TNKS: variants seen among roughly 807,000 people sequenced by gnomAD.
The protein encoded by TNKS is tankyrase.
TNKS carries 72 observed loss-of-function variants against 135.8 expected under a neutral mutation model. The observed-to-expected ratio is 0.53, with a 90% CI of 0.44 to 0.64. TNKS has a LOEUF of 0.64. Ranked by LOEUF, TNKS falls within the 30% of genes least tolerant of loss-of-function variation. The pLI, the probability that TNKS is intolerant of heterozygous loss-of-function variation, is 0.00. For missense variants in TNKS, 1,769 were observed against 1,674.0 expected, an observed-to-expected ratio of 1.06 and a Z score of -0.99; for synonymous variants, 849 against 649.3, an observed-to-expected ratio of 1.31 and a Z score of -4.68.
chr8:9,691,020 T>C (rs531094143), intron 5 of TNKS, among the ~76,000 whole-genome samples: 13 of 152,318 alleles, frequency 8.5e-5, no homozygotes, highest in African/African-American at 3.1e-4. Context: ...AGCTCGCTTG[T>C]TTAGATCAGA....
intron 25 of TNKS, 128 bp downstream of exon 25, chr8:9,766,553 C>G: frequency 1.2e-6 from 1 of 817,082 alleles, no homozygotes; most frequent in Non-Finnish European, 1.7e-6. Flanking sequence ...GTGGCACGAT[C>G]CTGGCTCACG....
At chr8:9,675,897 A>G (rs903162155) in intron 3 of TNKS, among the ~76,000 whole-genome samples, 2 of 152,132 alleles carry the variant, frequency 1.3e-5, no homozygotes, top group Non-Finnish European at 2.9e-5. Context: ...GGTTGAGGTG[A>G]CACGGAGAAA....
chr8:9,595,189 C>T (rs866340152), intron 2 of TNKS, among the ~76,000 whole-genome samples: 2 of 149,866 alleles, frequency 1.3e-5, no homozygotes, highest in Admixed American at 1.3e-4. Context: ...TGTGTGATCT[C>T]GGCTCACTGC....
At chr8:9,572,668 T>C (rs182280076) in intron 1 of TNKS, among the ~76,000 whole-genome samples, 430 of 152,308 alleles carry the variant, frequency 2.8e-3, no homozygotes, top group Non-Finnish European at 4.7e-3. Context: ...TAGAAAGTCA[T>C]GTTGAGATGG....
intron 9 of TNKS, 42 bp from the exon 10 acceptor site, chr8:9,709,913 A>G: frequency 6.8e-7 from 1 of 1,470,280 alleles, no homozygotes; most frequent in Non-Finnish European, 9.5e-7. Flanking sequence ...TACTGTACAT[A>G]TGGAAGTGTA....
intron 5 of TNKS, among the ~76,000 whole-genome samples, chr8:9,681,453 T>A (rs1585321259): frequency 6.6e-6 from 1 of 152,264 alleles, no homozygotes; most frequent in Middle Eastern, 3.4e-3. Context: ...GACTGAAATG[T>A]AATCCTTTAT....
In TNKS at chr8:9,556,904, G is replaced by C. The variant is rs1326412442; in HGVS notation, c.673+292G>C. 7.5e-6 allele frequency: 4 copies of C among 536,066 alleles called. No individual in the cohort carries two copies. In the Admixed American group the frequency reaches 1.4e-4, roughly 18 times the overall value. The allele number at this position is 536,066 out of a possible 1,614,324, so 33.2% of individuals were successfully genotyped here. ...GGATATATTTACACTTTAGTTTTTGGTGTGCAGGAATACAGTTAGATTTGG... is the reference window on the plus strand; with the variant it reads ...GGATATATTTACACTTTAGTTTTTGCTGTGCAGGAATACAGTTAGATTTGG... On this transcript the variant is annotated intron_variant, in intron 1 of 26. Transcript: ENST00000310430.
chr8:9,660,312 G>T (rs548118092), intron 3 of TNKS, among the ~76,000 whole-genome samples: 24 of 152,262 alleles, frequency 1.6e-4, no homozygotes. Context: ...CAATATCCTT[G>T]ATGAACATCG....
chr8:9,726,106 C>G (rs1435662654), intron 12 of TNKS, among the ~76,000 whole-genome samples: 1 of 152,128 alleles, frequency 6.6e-6, no homozygotes, highest in African/African-American at 2.4e-5. Flanking sequence ...AAAGAAAAAT[C>G]AAGGCTGGGC....
At position 9,782,149 on chromosome 8, in the gene TNKS, C is replaced by T. The variant is rs920898256; in HGVS notation, c.*5413C>T. 2.0e-5 allele frequency: 3 copies of T among 152,552 alleles called. No homozygotes were observed. Among genetic ancestry groups the T allele is most frequent in the Admixed American group, 1.3e-4 (2 of 15,262 alleles). The allele number at this position is 152,552 out of a possible 1,614,324, so 9.4% of individuals were successfully genotyped here. On this transcript the variant is annotated 3_prime_UTR_variant, in exon 27 of 27. Transcript: ENST00000310430. ...AAGTCCTCTAGTCATCATCTCGTCA[C>T]CTGAAATGGAAGTCCTTTTTCCCTC...
intron 17 of TNKS, among the ~76,000 whole-genome samples, chr8:9,736,001 T>C (rs1476252882): frequency 6.6e-6 from 1 of 151,646 alleles, no homozygotes; most frequent in Non-Finnish European, 1.5e-5. Context: ...ATGCTTTTTA[T>C]TGCTTTTTGG....
chr8:9,577,397 G>A (rs1357849541), intron 1 of TNKS, among the ~76,000 whole-genome samples: 2 of 152,028 alleles, frequency 1.3e-5, no homozygotes, highest in Non-Finnish European at 2.9e-5. Context: ...CCTGAGCCTG[G>A]GTAATTTATA....
chr8:9,703,073 C>T (rs1440184033), intron 5 of TNKS, among the ~76,000 whole-genome samples: 6 of 152,090 alleles, frequency 3.9e-5, no homozygotes, highest in African/African-American at 1.4e-4. Flanking sequence ...GAAAACTTTA[C>T]AGTAGTTTTC....
chr8:9,583,386 A>C (rs1252127839), intron 2 of TNKS, among the ~76,000 whole-genome samples: 1 of 152,228 alleles, frequency 6.6e-6, no homozygotes, highest in South Asian at 2.1e-4. Flanking sequence ...TTCAGAAATC[A>C]ATACATTTTC....
intron 3 of TNKS, among the ~76,000 whole-genome samples, chr8:9,647,733 G>T (rs924579136): frequency 6.6e-6 from 1 of 152,032 alleles, no homozygotes; most frequent in Non-Finnish European, 1.5e-5. Context: ...TATATTTCTG[G>T]GAATGCTCTG....
At chr8:9,719,932 A>G (rs1804793247) in intron 11 of TNKS, among the ~76,000 whole-genome samples, 1 of 152,226 alleles carries the variant, frequency 6.6e-6, no homozygotes, top group South Asian at 2.1e-4. Flanking sequence ...TAGAAAAGAA[A>G]TATAATCAAC....
At chr8:9,582,966 A>G (rs1215871266) in intron 2 of TNKS, among the ~76,000 whole-genome samples, 2 of 152,044 alleles carry the variant, frequency 1.3e-5, no homozygotes, top group African/African-American at 2.4e-5. Flanking sequence ...GGAGATCGAG[A>G]CCATCCTGGC....
intron 5 of TNKS, among the ~76,000 whole-genome samples, chr8:9,699,243 T>C (rs977918390): frequency 3.3e-5 from 5 of 152,236 alleles, no homozygotes; most frequent in African/African-American, 1.2e-4. Context: ...TCCTAGCAAT[T>C]AGAAAATTAC....
At chr8:9,774,224 G>A (rs1431578143) in intron 26 of TNKS, among the ~76,000 whole-genome samples, 1 of 152,164 alleles carries the variant, frequency 6.6e-6, no homozygotes, top group East Asian at 1.9e-4. Context: ...TTTCTCCAGA[G>A]ATTTCAGCTA....
Sources: gnomAD v4.1 joint callset for allele counts (sites outside exome capture counted in the v4.1 genomes callset) on GRCh38, gnomAD v4.1.1 for gene constraint, MANE v1.5 for transcripts, NCBI Gene and HGNC (gene_info 2026-07-23, HGNC 2026-07-21) for gene names.